The following TOM1L2 variants were observed in gnomAD, a reference collection of about 807,000 sequenced individuals.
TOM1L2 encodes the protein target of myb1 like 2 membrane trafficking protein.
Under a neutral mutation model 67.9 loss-of-function variants are expected in TOM1L2, and 31 were observed. The ratio of observed to expected loss-of-function variants is 0.46; its 90% CI spans 0.34 to 0.62. The LOEUF is 0.62. Ranked by LOEUF, TOM1L2 falls within the 20% of genes least tolerant of loss-of-function variation. The pLI, the probability that TOM1L2 is intolerant of heterozygous loss-of-function variation, is 0.01. For missense variants in TOM1L2, 606 were observed against 663.5 expected, an observed-to-expected ratio of 0.91 and a Z score of 0.95; for synonymous variants, 256 against 254.0, an observed-to-expected ratio of 1.01 and a Z score of -0.07.
intron 1 of TOM1L2, among the ~76,000 whole-genome samples, chr17:17,916,896 A>G (rs1022154492): frequency 6.6e-6 from 1 of 151,968 alleles, no homozygotes; most frequent in East Asian, 1.9e-4. Flanking sequence ...AGTGGCTCAC[A>G]CCTGTAATCC....
intron 13 of TOM1L2, among the ~76,000 whole-genome samples, chr17:17,849,106 C>T (rs551664079): frequency 1.3e-5 from 2 of 152,314 alleles, no homozygotes; most frequent in African/African-American, 2.4e-5. Flanking sequence ...TTTGATCCTC[C>T]AGAAAGGCTG....
At chr17:17,954,156 G>C (rs1479611765) in intron 1 of TOM1L2, among the ~76,000 whole-genome samples, 2 of 152,216 alleles carry the variant, frequency 1.3e-5, no homozygotes, top group East Asian at 1.9e-4. Context: ...CCATGAGCAA[G>C]AGAGAAGGGA....
At chr17:17,878,374 C>A (rs572098472) in intron 7 of TOM1L2, among the ~76,000 whole-genome samples, 1 of 152,210 alleles carries the variant, frequency 6.6e-6, no homozygotes. Flanking sequence ...TACATGGAGA[C>A]AAGTTGTTTC....
intron 1 of TOM1L2, among the ~76,000 whole-genome samples, chr17:17,970,591 ATCCAGAGACTC>A (rs1225977242): frequency 6.6e-6 from 1 of 152,224 alleles, no homozygotes; most frequent in African/African-American, 2.4e-5. Flanking sequence ...GGAAGTGAGA[ATCCAGAGACTC>A]TCCAGTGGGC....
At chr17:17,876,650 G>C (rs1273914171) in intron 7 of TOM1L2, among the ~76,000 whole-genome samples, 1 of 152,238 alleles carries the variant, frequency 6.6e-6, no homozygotes, top group Non-Finnish European at 1.5e-5. Context: ...GCACTGCCAA[G>C]GTGCAAGTGA....
At chr17:17,885,106 G>C (rs2037928073) in intron 4 of TOM1L2, among the ~76,000 whole-genome samples, 2 of 152,230 alleles carry the variant, frequency 1.3e-5, no homozygotes, top group East Asian at 3.8e-4. Flanking sequence ...ATCAATTGCT[G>C]GGGCTGTTCA....
chr17:17,848,940 A>T, intron 13 of TOM1L2, 81 bp from the exon 14 acceptor site: 1 of 1,455,414 alleles, frequency 6.9e-7, no homozygotes. Flanking sequence ...GCCCATGGCC[A>T]CCCTAGGACA....
At chr17:17,857,884 A>G in intron 12 of TOM1L2, 1 of 1,526,442 alleles carries the variant, frequency 6.6e-7, no homozygotes, top group Non-Finnish European at 8.8e-7. Flanking sequence ...AGCAAGACCC[A>G]TGAGAAAGAA....
chr17:17,935,465 C>T (rs1004971099), intron 1 of TOM1L2, among the ~76,000 whole-genome samples: 2 of 152,196 alleles, frequency 1.3e-5, no homozygotes, highest in Non-Finnish European at 2.9e-5. Flanking sequence ...TGACCTTCTC[C>T]ACATCCTCTT....
At chr17:17,861,343 G>A (rs752635695) in intron 12 of TOM1L2, 133 bp downstream of exon 12, 62 of 746,546 alleles carry the variant, frequency 8.3e-5, no homozygotes, top group South Asian at 1.2e-4. Flanking sequence ...GGTGTCCCCC[G>A]TGGGTCTCTC....
chr17:17,946,321 A>G (rs1404494492), intron 1 of TOM1L2, among the ~76,000 whole-genome samples: 1 of 152,178 alleles, frequency 6.6e-6, no homozygotes, highest in African/African-American at 2.4e-5. Context: ...TCTAGAATAT[A>G]TTCATCATCC....
chr17:17,947,383 T>C (rs1003340555), intron 1 of TOM1L2, among the ~76,000 whole-genome samples: 2 of 152,196 alleles, frequency 1.3e-5, no homozygotes, highest in Non-Finnish European at 2.9e-5. Context: ...CAAGTTCTCA[T>C]GTTGAAGCCC....
chr17:17,930,732 G>A (rs2040296708), intron 1 of TOM1L2, among the ~76,000 whole-genome samples: 1 of 152,138 alleles, frequency 6.6e-6, no homozygotes, highest in South Asian at 2.1e-4. Context: ...CAAGAAGGCT[G>A]AAAACCAAAT....
intron 1 of TOM1L2, among the ~76,000 whole-genome samples, chr17:17,957,053 G>A (rs2041488504): frequency 6.6e-6 from 1 of 152,210 alleles, no homozygotes; most frequent in East Asian, 1.9e-4. Flanking sequence ...ATCATAGCTC[G>A]CTGCAGTCTC....
intron 2 of TOM1L2, among the ~76,000 whole-genome samples, chr17:17,901,724 C>T (rs918819723): frequency 6.6e-6 from 1 of 152,220 alleles, no homozygotes; most frequent in South Asian, 2.1e-4. Flanking sequence ...AGATAGAACA[C>T]AAAGATTCTA....
chr17:17,968,392 C>T (rs936644316), intron 1 of TOM1L2, among the ~76,000 whole-genome samples: 3 of 152,104 alleles, frequency 2.0e-5, no homozygotes, highest in Non-Finnish European at 4.4e-5. Context: ...TTGGGCCGGG[C>T]GCAATGGCTC....
At chr17:17,883,642 G>A (rs1214071738) in intron 5 of TOM1L2, among the ~76,000 whole-genome samples, 3 of 152,196 alleles carry the variant, frequency 2.0e-5, no homozygotes, top group Admixed American at 2.0e-4. Flanking sequence ...GCTGAGGCAG[G>A]AGAATGGCGT....
At position 17,847,579 on chromosome 17, in the gene TOM1L2, T is replaced by C. The variant is rs149458835; in HGVS notation, c.*56A>G. On this transcript the variant is annotated 3_prime_UTR_variant, in exon 15 of 15. Transcript: ENST00000379504. ...GGATGTAGGAGTGGCCAGTGCCCGG[T>C]GTCCACGGGGTGCGAGCGGGGACCC... is the stretch of plus-strand genomic sequence containing the variant. The C allele has an allele frequency of 4.3e-3, 6,676 of 1,549,938 alleles. 19 individuals carry two copies. The highest frequency in any genetic ancestry group is 5.4e-3 in the Non-Finnish European group (6,238 of 1,151,346).
intron 1 of TOM1L2, among the ~76,000 whole-genome samples, chr17:17,945,880 T>C (rs552574116): frequency 6.6e-6 from 1 of 152,208 alleles, no homozygotes; most frequent in East Asian, 1.9e-4. Flanking sequence ...AAAAAAGATG[T>C]CTATTTTTGA....
Sources: gnomAD v4.1 joint callset for allele counts (sites outside exome capture counted in the v4.1 genomes callset) on GRCh38, gnomAD v4.1.1 for gene constraint, MANE v1.5 for transcripts, NCBI Gene and HGNC (gene_info 2026-07-23, HGNC 2026-07-21) for gene names.